Variants in DNAJC1 observed in about 807,000 individuals in gnomAD.
DNAJC1 encodes the protein dnaJ homolog subfamily C member 1.
DNAJC1 carries 58 observed loss-of-function variants against 76.6 expected under a neutral mutation model. The observed-to-expected ratio is 0.76, with a 90% CI of 0.61 to 0.94. The LOEUF (loss-of-function observed/expected upper bound fraction) is 0.94, where lower values mean the gene tolerates loss of function less well. Ranked by LOEUF, DNAJC1 falls within the 40% of genes least tolerant of loss-of-function variation. The pLI is 0.00. For synonymous variants in DNAJC1, 258 were observed against 267.9 expected, an observed-to-expected ratio of 0.96 and a Z score of 0.36; for missense variants, 689 against 677.3, an observed-to-expected ratio of 1.02 and a Z score of -0.19.
chr10:21,987,424 CT>C (rs1379687134), intron 1 of DNAJC1, among the ~76,000 whole-genome samples: 1 of 152,072 alleles, frequency 6.6e-6, no homozygotes, highest in Non-Finnish European at 1.5e-5. Context: ...TATACAAAAG[CT>C]TTCAGAAGTG....
chr10:21,935,052 A>G (rs568481625), intron 1 of DNAJC1, among the ~76,000 whole-genome samples: 2 of 152,312 alleles, frequency 1.3e-5, no homozygotes, highest in South Asian at 2.1e-4. Context: ...CACATTATAT[A>G]TATCTAAAAT....
chr10:21,971,286 T>C (rs1046675110), intron 1 of DNAJC1, among the ~76,000 whole-genome samples: 2 of 151,850 alleles, frequency 1.3e-5, no homozygotes, highest in East Asian at 1.9e-4. Context: ...AATTCAGTAA[T>C]AGCTGGCAAT....
chr10:21,843,373 C>T (rs1412096416), intron 8 of DNAJC1, among the ~76,000 whole-genome samples: 2 of 149,262 alleles, frequency 1.3e-5, no homozygotes, highest in Non-Finnish European at 3.0e-5. Context: ...TTAATTAGTA[C>T]ATTTACTTAG....
intron 9 of DNAJC1, among the ~76,000 whole-genome samples, chr10:21,768,135 A>AT (rs1020986416): frequency 1.3e-5 from 2 of 152,124 alleles, no homozygotes; most frequent in Non-Finnish European, 2.9e-5. Flanking sequence ...AAAGTTATTA[A>AT]TTTTTTTCAA....
chr10:21,854,566 AAAAC>A (rs1473995965), intron 8 of DNAJC1, among the ~76,000 whole-genome samples: 5 of 152,276 alleles, frequency 3.3e-5, no homozygotes, highest in Middle Eastern at 3.4e-3. Context: ...TACAGGAAAA[AAAAC>A]AAACAAACAG....
In DNAJC1 at chr10:21,908,917, G is replaced by A. The variant is rs566257992; in HGVS notation, c.730-4305C>T. 7.9e-5 allele frequency among the ~76,000 whole-genome samples: 12 copies of A among 151,212 alleles called. No homozygotes were observed. The East Asian group carries it at 1.4e-3, about 17-fold the overall frequency. ...TTTTTTTTCCCCAAGACAGAGTCTC[G>A]CTGTGTCGCCCAGGCTGGAGTGCAG... On this transcript the variant is annotated intron_variant, in intron 6 of 11. Coordinates refer to ENST00000376980, the MANE Select transcript of DNAJC1 (RefSeq NM_022365.4).
chr10:21,968,049 A>G (rs1248488686), intron 1 of DNAJC1, among the ~76,000 whole-genome samples: 2 of 152,226 alleles, frequency 1.3e-5, no homozygotes, highest in Non-Finnish European at 2.9e-5. Flanking sequence ...CCCTTTATTG[A>G]CAGATATTTG....
At chr10:21,969,562 A>ATTTTCAT (rs1253929779) in intron 1 of DNAJC1, among the ~76,000 whole-genome samples, 1 of 152,198 alleles carries the variant, frequency 6.6e-6, no homozygotes, top group Non-Finnish European at 1.5e-5. Flanking sequence ...TAGCCAGTTG[A>ATTTTCAT]TTTCACAATG....
chr10:21,805,747 C>T (rs1045792749), intron 9 of DNAJC1, among the ~76,000 whole-genome samples: 2 of 152,156 alleles, frequency 1.3e-5, no homozygotes, highest in African/African-American at 4.8e-5. Context: ...GATTAGGTTA[C>T]AGTAGCTTAA....
intron 6 of DNAJC1, among the ~76,000 whole-genome samples, chr10:21,907,623 G>A (rs556601889): frequency 5.3e-5 from 8 of 152,038 alleles, no homozygotes; most frequent in Non-Finnish European, 1.2e-4. Context: ...TTTATTACAG[G>A]CAAGAATGTT....
At chr10:21,882,045 T>C (rs374123104) in intron 8 of DNAJC1, among the ~76,000 whole-genome samples, 1 of 151,958 alleles carries the variant, frequency 6.6e-6, no homozygotes, top group Non-Finnish European at 1.5e-5. Context: ...TCCCAGCTAC[T>C]TGGGAAGCTA....
rs1435458823 is a variant in DNAJC1 at position 21,919,874 on chromosome 10, C to G, written c.593G>C (p.Ser198Thr). 1 of 1,609,206 alleles carries G rather than the reference C, an allele frequency of 6.2e-7. No individual in the cohort carries two copies. The highest frequency in any genetic ancestry group is 8.5e-7 in the Non-Finnish European group (1 of 1,178,722). ...REKKKKTGSK[S>T]VDVSKLGASE... Reference sequence around the variant, plus strand: ...AGCACCGAGTTTTGATACATCCACACTCTTGCTGCCAGTCTTTTTTTTCTT... The same window carrying G: ...AGCACCGAGTTTTGATACATCCACAGTCTTGCTGCCAGTCTTTTTTTTCTT... The change falls in exon 5 of 12, where the codon AGT (serine) becomes ACT (threonine). Residue 198 changes from serine (S) to threonine (T), a missense_variant. By Grantham distance (58) the Ser-to-Thr change is moderately conservative. Coordinates refer to ENST00000376980, the MANE Select transcript of DNAJC1 (RefSeq NM_022365.4).
chr10:21,856,615 T>A (rs922602131), intron 8 of DNAJC1, among the ~76,000 whole-genome samples: 3 of 151,984 alleles, frequency 2.0e-5, no homozygotes, highest in African/African-American at 7.2e-5. Context: ...TTAAAAAAAA[T>A]TTACCAACAC....
chr10:21,963,465 T>TAAA (rs1837836441), intron 1 of DNAJC1, among the ~76,000 whole-genome samples: 1 of 152,252 alleles, frequency 6.6e-6, no homozygotes, highest in East Asian at 1.9e-4. Flanking sequence ...AAGATTGTTT[T>TAAA]AAGTTAGATA....
Position 21,806,230 on chromosome 10 carries a change from AC to A in DNAJC1, c.979-132del, listed in dbSNP as rs1232346983. On this transcript the variant is annotated intron_variant, in intron 8 of 11. Transcript: ENST00000376980. The stretch of plus-strand genomic sequence containing the variant: ...ATTGGCAATATGCTTTCTGTAAAAA[AC>A]AATACTAAATTGTATCTAATAGTTT... 1.4e-5 allele frequency: 14 copies of A among 992,560 alleles called. No homozygotes were observed. In the South Asian group the frequency reaches 1.6e-4, roughly 11 times the overall value. The allele number at this position is 992,560 out of a possible 1,614,324, so 61.5% of individuals were successfully genotyped here. A position where few individuals can be genotyped will look rare whatever the true frequency, so the allele number is the denominator to read the frequency against.
chr10:21,955,089 C>G (rs1837656852), intron 1 of DNAJC1, among the ~76,000 whole-genome samples: 1 of 152,170 alleles, frequency 6.6e-6, no homozygotes, highest in Admixed American at 6.5e-5. Flanking sequence ...CCCCCCAGTT[C>G]TAATAACCAA....
intron 1 of DNAJC1, among the ~76,000 whole-genome samples, chr10:21,932,448 C>T (rs1837243395): frequency 6.6e-6 from 1 of 152,188 alleles, no homozygotes; most frequent in Non-Finnish European, 1.5e-5. Context: ...CCAAGTTCGT[C>T]CCTCCAGAGA....
intron 1 of DNAJC1, among the ~76,000 whole-genome samples, chr10:21,972,640 C>A (rs985370018): frequency 2.6e-5 from 4 of 151,904 alleles, no homozygotes; most frequent in African/African-American, 9.7e-5. Flanking sequence ...GTTGTTAAAT[C>A]GGTCCTATAA....
chr10:21,801,986 G>C (rs1002851700), intron 9 of DNAJC1, among the ~76,000 whole-genome samples: 8 of 152,138 alleles, frequency 5.3e-5, no homozygotes, highest in Non-Finnish European at 8.8e-5. Context: ...CTGGGGCCTG[G>C]AGGGTGGGAG....
Sources: allele counts gnomAD v4.1 joint callset (sites outside exome capture counted in the v4.1 genomes callset), GRCh38; gene constraint gnomAD v4.1.1; transcripts MANE v1.5; gene names NCBI Gene and HGNC (gene_info 2026-07-23, HGNC 2026-07-21).